The following AGL variants were observed in gnomAD, a reference collection of about 807,000 sequenced individuals.
AGL encodes glycogen debranching enzyme.
A neutral mutation model predicts 199.3 loss-of-function variants in AGL; 128 were observed. The observed-to-expected ratio is 0.64, with a 90% CI of 0.56 to 0.74. The LOEUF (loss-of-function observed/expected upper bound fraction) is 0.74, where lower values mean the gene tolerates loss of function less well. Among genes scored for constraint, AGL ranks in the 30% least tolerant of loss-of-function variants. The probability of loss-of-function intolerance (pLI) is 0.00; values close to 1 mark genes in which losing one functional copy is unlikely to be tolerated. For missense variants in AGL, 1,809 were observed against 1,820.8 expected (o/e 0.99, Z 0.12); for synonymous variants, 584 against 594.7 (o/e 0.98, Z 0.26).
intron 28 of AGL, among the ~76,000 whole-genome samples, 161 bp downstream of exon 28, chr1:99,911,008 T>C (rs2100850038): frequency 6.6e-6 from 1 of 152,340 alleles, no homozygotes; most frequent in South Asian, 2.1e-4. Flanking sequence ...TACACAATCC[T>C]GTTGATATAA....
rs778029019 is a variant in AGL at position 99,900,893 on chromosome 1, T to G, written c.3588+32T>G. On this transcript the variant is annotated intron_variant, in intron 26 of 33. Transcript: ENST00000361915. ...ATATTTCTTAAAATGTTTTTTTGTTTTTTTTTTTTTTTCTGAAAAATGACT... is the reference window on the plus strand; with the variant it reads ...ATATTTCTTAAAATGTTTTTTTGTTGTTTTTTTTTTTTCTGAAAAATGACT... The G allele has an allele frequency of 6.0e-5, 62 of 1,035,194 alleles. 1 individual carries two copies. Among genetic ancestry groups the G allele is most frequent in the African/African-American group, 2.1e-4 (8 of 37,264 alleles). The allele number at this position is 1,035,194 out of a possible 1,614,324, so 64.1% of individuals were successfully genotyped here. A position where few individuals can be genotyped will look rare whatever the true frequency, so the allele number is the denominator to read the frequency against.
At chr1:99,856,874 T>A (rs527330742) in intron 2 of AGL, among the ~76,000 whole-genome samples, 118 of 152,352 alleles carry the variant, frequency 7.7e-4, no homozygotes, top group Non-Finnish European at 1.2e-3. Flanking sequence ...CTGATTTCTC[T>A]ATCTTTTCCC....
At chr1:99,882,183 T>G (rs1343920307) in intron 17 of AGL, among the ~76,000 whole-genome samples, 2 of 152,062 alleles carry the variant, frequency 1.3e-5, no homozygotes, top group African/African-American at 2.4e-5. Flanking sequence ...ACTTATATTT[T>G]TACTGCATGG....
chr1:99,917,853 ATT>A (rs1427189355), intron 33 of AGL, among the ~76,000 whole-genome samples: 1 of 151,836 alleles, frequency 6.6e-6, no homozygotes, highest in Non-Finnish European at 1.5e-5. Context: ...ATCATCATCC[ATT>A]TTGCTTTTAC....
chr1:99,876,736 T>C (rs1651571131), intron 11 of AGL, 139 bp downstream of exon 11: 2 of 1,039,762 alleles, frequency 1.9e-6, no homozygotes, highest in Admixed American at 2.1e-5. Flanking sequence ...CAGAGATACA[T>C]ACAATTTGAG....
intron 21 of AGL, among the ~76,000 whole-genome samples, chr1:99,889,213 C>G (rs1324895563): frequency 1.3e-5 from 2 of 152,150 alleles, no homozygotes; most frequent in Non-Finnish European, 2.9e-5. Context: ...GCCTTAAAAC[C>G]ACACTAAGTA....
At position 99,862,418 on chromosome 1, in the gene AGL, A is replaced by G; in HGVS notation, c.455A>G (p.Glu152Gly). Residue 152 changes from glutamate to glycine, a missense_variant, in exon 4 of 34, where the codon GAA (glutamate) becomes GGA (glycine). Glu to Gly is a moderately conservative substitution (Grantham distance 98). Coordinates refer to ENST00000361915, the MANE Select transcript of AGL (RefSeq NM_000642.3). Reference protein sequence around the residue: ...EWESRLRVAKESGYNMIHFTP... With the variant: ...EWESRLRVAKGSGYNMIHFTP... ...GAAAGCAGACTTAGGGTTGCAAAAG[A>G]ATCAGGTAATGTCAGCTTGCTTTCT... is the stretch of plus-strand genomic sequence containing the variant. The G allele has an allele frequency of 6.2e-7, 1 of 1,614,114 alleles. No individual in the cohort carries two copies. The highest frequency in any genetic ancestry group is 1.1e-5 in the South Asian group (1 of 91,080).
intron 20 of AGL, 41 bp from the exon 21 acceptor site, chr1:99,887,937 G>A (rs763643237): frequency 5.4e-5 from 87 of 1,609,022 alleles, no homozygotes; most frequent in Non-Finnish European, 6.2e-5. Flanking sequence ...GACAACAAGC[G>A]AAACTTCAAT....
Position 99,910,835 on chromosome 1 carries a change from C to T in AGL, c.3824C>T (p.Pro1275Leu), listed in dbSNP as rs764310258. The T allele has an allele frequency of 6.2e-7, 1 of 1,612,758 alleles. No individual in the cohort carries two copies. Among genetic ancestry groups the T allele is most frequent in the Non-Finnish European group, 8.5e-7 (1 of 1,179,172 alleles). Residue 1275 changes from proline (P) to leucine (L), a missense_variant, in exon 28 of 34, where the codon CCA becomes CTA. Coordinates refer to ENST00000361915, the MANE Select transcript of AGL (RefSeq NM_000642.3). ...ESDRARNRGI[P>L]ATPRDGSAVE... ...GACAGAGCTAGAAACAGAGGAATCC[C>T]AGCCACACCAAGGTAGTGTAAATGT...
chr1:99,882,308 C>T (rs1652105755), intron 17 of AGL, among the ~76,000 whole-genome samples: 1 of 152,064 alleles, frequency 6.6e-6, no homozygotes. Context: ...TCTCTTCTAG[C>T]AGAACAATAT....
At chr1:99,876,669 T>C in intron 11 of AGL, 72 bp downstream of exon 11, 2 of 1,544,310 alleles carry the variant, frequency 1.3e-6, no homozygotes, top group African/African-American at 1.4e-5. Flanking sequence ...AAATCTGCTT[T>C]ACTGATTTTC....
At chr1:99,864,719 A>C in intron 5 of AGL, 130 bp downstream of exon 5, 1 of 787,988 alleles carries the variant, frequency 1.3e-6, no homozygotes, top group Non-Finnish European at 2.0e-6. Context: ...AAAAACACAA[A>C]TGATGATTAG....
At chr1:99,863,579 A>C (rs1242488245) in intron 4 of AGL, among the ~76,000 whole-genome samples, 3 of 151,760 alleles carry the variant, frequency 2.0e-5, no homozygotes, top group Non-Finnish European at 4.4e-5. Context: ...CAGCCTCCCG[A>C]GTAGCTTGGG....
rs1655604382 is a variant in AGL at position 99,922,868 on chromosome 1, A to G, written c.*1217A>G. ...TAATAAAATAATGGTATTTTAAAAT[A>G]ATGCTACTTTCAAAGTAGCATTTTT... On this transcript the variant is annotated 3_prime_UTR_variant, in exon 34 of 34. Coordinates refer to ENST00000361915, the MANE Select transcript of AGL (RefSeq NM_000642.3). 6.6e-6 allele frequency: 1 copy of G among 152,084 alleles called. No individual in the cohort carries two copies. The highest frequency in any genetic ancestry group is 2.4e-5 in the African/African-American group (1 of 41,444). 9.4% of individuals were successfully genotyped at this position (152,084 alleles called of 1,614,324 possible).
At chr1:99,867,848 C>T (rs1650655948) in intron 5 of AGL, among the ~76,000 whole-genome samples, 1 of 152,154 alleles carries the variant, frequency 6.6e-6, no homozygotes, top group Non-Finnish European at 1.5e-5. Context: ...CTATTCCAAG[C>T]AGGCAGGTGG....
intron 7 of AGL, among the ~76,000 whole-genome samples, chr1:99,874,237 A>G (rs1161244284): frequency 7.6e-6 from 1 of 131,948 alleles, no homozygotes; most frequent in African/African-American, 3.1e-5. Context: ...AACGGGTTCC[A>G]CTAAAGTCCT....
At chr1:99,872,817 G>A (rs1021661115) in intron 7 of AGL, among the ~76,000 whole-genome samples, 1 of 152,152 alleles carries the variant, frequency 6.6e-6, no homozygotes, top group Admixed American at 6.5e-5. Flanking sequence ...GTGAGCCACC[G>A]CGCCCAGCCT....
intron 13 of AGL, 130 bp from the exon 14 acceptor site, chr1:99,880,502 C>A (rs1651922844): frequency 1.8e-6 from 2 of 1,121,898 alleles, no homozygotes; most frequent in Non-Finnish European, 1.3e-6. Context: ...TTGTTTAAAT[C>A]CTTAAAGCAG....
In AGL at chr1:99,884,215, A is replaced by G. The variant is rs1652268687; in HGVS notation, c.2404A>G (p.Ile802Val). Residue 802 changes from isoleucine (I) to valine (V), a missense_variant, in exon 18 of 34, where the codon ATC (isoleucine) becomes GTC (valine). By Grantham distance (29) the Ile-to-Val change is conservative (BLOSUM62 3). Transcript: ENST00000361915. ...DENSINGTPD[I>V]TVEIREHIQL... ...GAATTCAATCAATGGAACACCAGAT[A>G]TCACAGTAGAAATTAGAGAACATAT... 6 of 1,613,276 alleles carry G rather than the reference A, an allele frequency of 3.7e-6. No homozygotes were observed. In the South Asian group the frequency reaches 5.5e-5, roughly 15 times the overall value.
Sources: allele counts gnomAD v4.1 joint callset (sites outside exome capture counted in the v4.1 genomes callset), GRCh38; gene constraint gnomAD v4.1.1; transcripts MANE v1.5; gene names NCBI Gene and HGNC (gene_info 2026-07-23, HGNC 2026-07-21).